Variants in NBPF15 observed in about 807,000 individuals in gnomAD.
The protein encoded by NBPF15 is NBPF member 15.
In NBPF15, 74 loss-of-function variants were observed where a neutral mutation model predicts 62.2. The ratio of observed to expected loss-of-function variants is 1.19; its 90% CI spans 0.99 to 1.44. The LOEUF is 1.44. Among genes scored for constraint, NBPF15 ranks in the 40% most tolerant of loss-of-function variants. The pLI is 0.00. For synonymous variants in NBPF15, 244 were observed against 209.7 expected, an observed-to-expected ratio of 1.16 and a Z score of -1.41; for missense variants, 790 against 550.0, an observed-to-expected ratio of 1.44 and a Z score of -4.36.
Position 144,422,752 on chromosome 1 carries a change from G to A in NBPF15, c.*261C>T, listed in dbSNP as rs1345277844. 2.9e-5 allele frequency: 22 copies of A among 763,766 alleles called. 1 individual carries two copies. The highest frequency in any genetic ancestry group is 7.9e-4 in the Middle Eastern group (2 of 2,520). 47.3% of individuals were successfully genotyped at this position (763,766 alleles called of 1,614,324 possible). A position where few individuals can be genotyped will look rare whatever the true frequency, so the allele number is the denominator to read the frequency against. ...GAATTTTGTAGCTACCCAGAGATAC[G>A]TGGTTCAAATTAAAATGTCTGACTG... On this transcript the variant is annotated 3_prime_UTR_variant, in exon 22 of 22. Transcript: ENST00000581897.
In NBPF15 at chr1:144,435,214, T is replaced by C. The variant is rs1237666887; in HGVS notation, c.669A>G (p.Pro223=). ...CAAATGTGATTTTGGTTTTCTTATG[T>C]GGCTGGTTGGAGTCATAAGGGCCAT... is the stretch of plus-strand genomic sequence containing the variant. ...NSHGPYDSNQ[P]HKKTKITFEE... is the part of the protein sequence containing the mutation. The change falls in exon 12 of 22, where the codon CCA becomes CCG. Residue 223 remains proline (P), a synonymous_variant. Coordinates refer to ENST00000581897, the MANE Select transcript of NBPF15 (RefSeq NM_001385408.1). The C allele has an allele frequency of 5.0e-6, 8 of 1,612,932 alleles. No homozygotes were observed. In the East Asian group the frequency reaches 8.9e-5, roughly 18 times the overall value.
chr1:144,455,097 A>G (rs1459941148), intron 4 of NBPF15, among the ~76,000 whole-genome samples: 1 of 136,502 alleles, frequency 7.3e-6, no homozygotes, highest in African/African-American at 3.1e-5. Context: ...AGGAGGAAGG[A>G]AGGAAGGAAG....
rs587713564 is a variant in NBPF15, at chr1:144,450,557, C to T, written c.-333+215G>A. 1.5e-4 allele frequency among the ~76,000 whole-genome samples: 23 copies of T among 150,412 alleles called. No individual in the cohort carries two copies. In the East Asian group the frequency reaches 4.1e-3, roughly 27 times the overall value. On this transcript the variant is annotated intron_variant, in intron 5 of 21. Transcript: ENST00000581897. Reference sequence around the variant, plus strand: ...ATTCCCGGATTTTAGCCTCACATGACTCTGATCAGAGAACCCGGCCACTTC... The same window carrying T: ...ATTCCCGGATTTTAGCCTCACATGATTCTGATCAGAGAACCCGGCCACTTC...
At chr1:144,423,376 T>C in intron 21 of NBPF15, 120 bp from the exon 22 acceptor site, 2 of 1,584,084 alleles carry the variant, frequency 1.3e-6, no homozygotes, top group East Asian at 2.2e-5. Context: ...GATTCATTAA[T>C]GAGGTAAAAA....
At position 144,423,937 on chromosome 1, in the gene NBPF15, T is replaced by C. The variant is rs1667628124; in HGVS notation, c.1702A>G (p.Arg568Gly). 1.1e-5 allele frequency: 9 copies of C among 784,820 alleles called. No individual in the cohort carries two copies. The highest frequency in any genetic ancestry group is 6.7e-5 in the South Asian group (5 of 74,912). 48.6% of individuals were successfully genotyped at this position (784,820 alleles called of 1,614,324 possible). The change falls in exon 21 of 22, where the codon AGA becomes GGA. Residue 568 changes from arginine (R) to glycine (G), a missense_variant. Transcript: ENST00000581897. ...CTTCTTCTTTTCTTCTTTGATCTTC[T>C]TCCCCTTCTTTTCTTCCCCTTCCCC... Reference protein sequence around the residue: ...KKGKGKKRRGRRSKKKRRRGR... With the variant: ...KKGKGKKRRGGRSKKKRRRGR...
intron 16 of NBPF15, among the ~76,000 whole-genome samples, chr1:144,427,417 C>G (rs1274968923): frequency 2.6e-4 from 38 of 146,536 alleles, no homozygotes; most frequent in Non-Finnish European, 3.4e-4. Context: ...AGGAGAAAAA[C>G]TGCACTATTC....
At chr1:144,445,511 A>G (rs1455603373) in intron 6 of NBPF15, among the ~76,000 whole-genome samples, 2 of 149,060 alleles carry the variant, frequency 1.3e-5, no homozygotes, top group Non-Finnish European at 3.0e-5. Flanking sequence ...AAAACACATA[A>G]TCTTGATTTT....
chr1:144,434,753 G>A (rs1280586676), intron 12 of NBPF15, among the ~76,000 whole-genome samples: 1 of 151,912 alleles, frequency 6.6e-6, no homozygotes, highest in Non-Finnish European at 1.5e-5. Flanking sequence ...AAGGCTGCCA[G>A]CTTCCTTAAA....
intron 20 of NBPF15, 130 bp from the exon 21 acceptor site, chr1:144,424,105 T>C (rs1667792755): frequency 1.6e-5 from 12 of 745,206 alleles, no homozygotes; most frequent in South Asian, 5.7e-5. Context: ...GAGAGATATA[T>C]TTCAGGAGGT....
chr1:144,434,313 C>CA (rs1190759191), intron 12 of NBPF15, among the ~76,000 whole-genome samples: 1 of 143,480 alleles, frequency 7.0e-6, no homozygotes, highest in African/African-American at 2.7e-5. Context: ...CTACCCTGGC[C>CA]AATATGGGGA....
At chr1:144,432,895 A>G (rs1166797079) in intron 13 of NBPF15, among the ~76,000 whole-genome samples, 2 of 151,836 alleles carry the variant, frequency 1.3e-5, no homozygotes, top group East Asian at 1.9e-4. Flanking sequence ...AGACAGATCA[A>G]TGAGACAGAA....
rs1359994124 is a variant in NBPF15 at position 144,439,993 on chromosome 1, G to A, written c.11C>T (p.Ser4Leu). 1 of 1,608,600 alleles carries A rather than the reference G, an allele frequency of 6.2e-7. No individual in the cohort carries two copies. Among genetic ancestry groups the A allele is most frequent in the East Asian group, 2.2e-5 (1 of 44,858 alleles). Residue 4 changes from serine (S) to leucine (L), a missense_variant, in exon 8 of 22, where the codon TCA (serine) becomes TTA (leucine). Transcript: ENST00000581897. ...CTTCTCGCTGGACAAAGGGCCGGCT[G>A]ATACCACCATGCTGACGTTTGTGGC... MVVSAGPLSSEKAE... is the reference protein window; with the variant it reads MVVLAGPLSSEKAE...
At chr1:144,442,796 A>G (rs1553543122) in intron 6 of NBPF15, 1 of 208,322 alleles carries the variant, frequency 4.8e-6, no homozygotes. Flanking sequence ...GGCCAGAAAT[A>G]TACTGTGGTC....
chr1:144,423,958 T>C lies in NBPF15; in HGVS notation c.1681A>G (p.Lys561Glu), dbSNP rs1459707688. 1.4e-5 allele frequency: 11 copies of C among 770,430 alleles called. No homozygotes were observed. Among genetic ancestry groups the C allele is most frequent in the Non-Finnish European group, 2.6e-5 (11 of 423,090 alleles). 47.7% of individuals were successfully genotyped at this position (770,430 alleles called of 1,614,324 possible). A position where few individuals can be genotyped will look rare whatever the true frequency, so the allele number is the denominator to read the frequency against. The part of the protein sequence containing the change: ...LDVGEIEKKG[K>E]GKKRRGRRSK... ...CTTCTTCCCCTTCTTTTCTTCCCCT[T>C]CCCCTTCTTTTCAATTTCTGCAATA... Residue 561 changes from lysine to glutamate, a missense_variant, in exon 21 of 22, where the codon AAG becomes GAG. Physicochemically the swap from Lys to Glu is moderately conservative, Grantham distance 56. Coordinates refer to ENST00000581897, the MANE Select transcript of NBPF15 (RefSeq NM_001385408.1).
intron 10 of NBPF15, among the ~76,000 whole-genome samples, chr1:144,436,153 T>C (rs1276071402): frequency 6.6e-6 from 1 of 152,078 alleles, no homozygotes; most frequent in African/African-American, 2.4e-5. Context: ...TCCCCCATCC[T>C]GCCAGATCTG....
At chr1:144,426,932 A>T in intron 17 of NBPF15, 115 bp downstream of exon 17, 1 of 606,166 alleles carries the variant, frequency 1.6e-6, no homozygotes, top group Non-Finnish European at 2.9e-6. Flanking sequence ...CAATGTCAGG[A>T]GGAGTAATTC....
At chr1:144,457,010 T>C in intron 3 of NBPF15, among the ~76,000 whole-genome samples, 1 of 150,984 alleles carries the variant, frequency 6.6e-6, no homozygotes, top group East Asian at 1.9e-4. Context: ...ACCCCATCTC[T>C]GAAAATAAAA....
chr1:144,429,133 G>T (rs1330307368), intron 14 of NBPF15, among the ~76,000 whole-genome samples: 2 of 151,644 alleles, frequency 1.3e-5, no homozygotes, highest in Non-Finnish European at 2.9e-5. Flanking sequence ...GGCTTTTGTG[G>T]GTGAAAAGTC....
intron 13 of NBPF15, among the ~76,000 whole-genome samples, chr1:144,432,990 A>T (rs1410444079): frequency 6.6e-6 from 1 of 151,866 alleles, no homozygotes; most frequent in Non-Finnish European, 1.5e-5. Context: ...ACCCCAAATC[A>T]ACAGAATATA....
Sources: gnomAD v4.1 joint callset for allele counts (sites outside exome capture counted in the v4.1 genomes callset) on GRCh38, gnomAD v4.1.1 for gene constraint, MANE v1.5 for transcripts, NCBI Gene and HGNC (gene_info 2026-07-23, HGNC 2026-07-21) for gene names.